TMC1: variants seen among roughly 807,000 people sequenced by gnomAD.
TMC1 encodes transmembrane channel like 1, also known as transmembrane channel-like protein 1.
TMC1 carries 84 observed loss-of-function variants against 105.8 expected under a neutral mutation model. The ratio of observed to expected loss-of-function variants is 0.79; its 90% CI spans 0.67 to 0.95. The LOEUF is 0.95. Among genes scored for constraint, TMC1 ranks in the 40% least tolerant of loss-of-function variants. TMC1 has a pLI of 0.00. For synonymous variants in TMC1, 315 were observed against 311.5 expected, an observed-to-expected ratio of 1.01 and a Z score of -0.12; for missense variants, 817 against 914.1, an observed-to-expected ratio of 0.89 and a Z score of 1.37.
In TMC1 at chr9:72,836,958, T is replaced by C. The variant is rs1829135436; in HGVS notation, c.*985T>C. The C allele has an allele frequency of 6.6e-6, 1 of 152,224 alleles. No homozygotes were observed. The allele number at this position is 152,224 out of a possible 1,614,324, so 9.4% of individuals were successfully genotyped here. A position where few individuals can be genotyped will look rare whatever the true frequency, so the allele number is the denominator to read the frequency against. On this transcript the variant is annotated 3_prime_UTR_variant, in exon 24 of 24. Transcript: ENST00000297784. ...AGCAGGAACAAAAGGAAATAAAATA[T>C]ACTTGGAAGAGAGCCAAGTGGGCAA...
At chr9:72,582,777 T>C (rs1824495280) in intron 2 of TMC1, among the ~76,000 whole-genome samples, 1 of 152,262 alleles carries the variant, frequency 6.6e-6, no homozygotes, top group Non-Finnish European at 1.5e-5. Flanking sequence ...TATTTCTAGC[T>C]TAATGATTAA....
At chr9:72,568,587 T>C (rs1412646124) in intron 1 of TMC1, among the ~76,000 whole-genome samples, 2 of 152,208 alleles carry the variant, frequency 1.3e-5, no homozygotes, top group East Asian at 3.8e-4. Context: ...AGCTTTATAG[T>C]TATGAAATCA....
intron 10 of TMC1, among the ~76,000 whole-genome samples, chr9:72,748,878 G>C (rs896286400): frequency 6.6e-6 from 1 of 152,092 alleles, no homozygotes; most frequent in Non-Finnish European, 1.5e-5. Context: ...GGATTTCTTA[G>C]TCTCTTCCAC....
At chr9:72,761,691 A>G (rs1346544859) in intron 12 of TMC1, among the ~76,000 whole-genome samples, 1 of 152,126 alleles carries the variant, frequency 6.6e-6, no homozygotes, top group South Asian at 2.1e-4. Flanking sequence ...CTTAAAGGAG[A>G]CAGGTTAGAC....
At chr9:72,545,844 G>C (rs181038441) in intron 1 of TMC1, among the ~76,000 whole-genome samples, 1 of 152,000 alleles carries the variant, frequency 6.6e-6, no homozygotes, top group South Asian at 2.1e-4. Flanking sequence ...ATCCTATTGC[G>C]CAGTAATTTT....
chr9:72,713,222 G>A (rs1826864771), intron 8 of TMC1, among the ~76,000 whole-genome samples: 1 of 152,128 alleles, frequency 6.6e-6, no homozygotes, highest in African/African-American at 2.4e-5. Flanking sequence ...CAGGGATATT[G>A]GCCTGAAATT....
At chr9:72,534,600 T>C (rs915709889) in intron 1 of TMC1, among the ~76,000 whole-genome samples, 3 of 152,194 alleles carry the variant, frequency 2.0e-5, no homozygotes, top group African/African-American at 7.2e-5. Context: ...TTGGCATGTA[T>C]AGAAAAATCC....
At chr9:72,736,996 A>G (rs1164199844) in intron 8 of TMC1, among the ~76,000 whole-genome samples, 1 of 152,170 alleles carries the variant, frequency 6.6e-6, no homozygotes, top group Non-Finnish European at 1.5e-5. Flanking sequence ...AAAAAGACCT[A>G]ACGTTCCCTG....
chr9:72,650,329 T>A lies in TMC1; in HGVS notation c.16+1665T>A, dbSNP rs555368374. Among the ~76,000 whole-genome samples, 59 of 152,286 alleles carry A rather than the reference T, an allele frequency of 3.9e-4. No homozygotes were observed. The South Asian group carries it at 0.012, about 31-fold the overall frequency. ...ATAGACTTGCCTGGTGTGGTTTGCA[T>A]AATGTCACAGAATCATAACAATAGC... On this transcript the variant is annotated intron_variant, in intron 5 of 23. Transcript: ENST00000297784.
chr9:72,607,616 A>C (rs1469602796), intron 2 of TMC1, among the ~76,000 whole-genome samples: 1 of 127,760 alleles, frequency 7.8e-6, no homozygotes, highest in Non-Finnish European at 1.6e-5. Context: ...AGTCTGCCTC[A>C]AAAAAAAAAA....
intron 17 of TMC1, among the ~76,000 whole-genome samples, chr9:72,803,174 A>G (rs1828506290): frequency 6.6e-6 from 1 of 152,332 alleles, no homozygotes; most frequent in Admixed American, 6.5e-5. Context: ...AAAACTGGCT[A>G]GCCTATGCAG....
intron 5 of TMC1, 119 bp downstream of exon 5, chr9:72,648,783 T>G (rs1825756008): frequency 2.4e-6 from 2 of 828,632 alleles, no homozygotes; most frequent in Non-Finnish European, 4.1e-6. Context: ...GGGCTTTCCC[T>G]TTTTCATTTT....
intron 5 of TMC1, among the ~76,000 whole-genome samples, chr9:72,662,242 AG>A (rs1320712938): frequency 6.7e-6 from 1 of 149,024 alleles, no homozygotes; most frequent in Non-Finnish European, 1.5e-5. Context: ...GCTGGAGTAC[AG>A]TGGTACGATC....
chr9:72,603,029 G>C lies in TMC1; in HGVS notation c.-305-13339G>C, dbSNP rs367705401. Among the ~76,000 whole-genome samples the C allele has an allele frequency of 2.7e-4, 39 of 144,786 alleles. No homozygotes were observed. The East Asian group carries it at 7.4e-3, about 28-fold the overall frequency. The allele number at this position is 144,786 out of a possible 152,430, so 95.0% of individuals were successfully genotyped here. A position where few individuals can be genotyped will look rare whatever the true frequency, so the allele number is the denominator to read the frequency against. On this transcript the variant is annotated intron_variant, in intron 2 of 23. Coordinates refer to ENST00000297784, the MANE Select transcript of TMC1 (RefSeq NM_138691.3). ...GCCATTTACCAGTATTGTGTATATG[G>C]AGGTGGTCTTGAGAGCTTTGTGGAG...
intron 8 of TMC1, among the ~76,000 whole-genome samples, chr9:72,726,716 A>T (rs1386362676): frequency 6.6e-6 from 1 of 152,234 alleles, no homozygotes; most frequent in Non-Finnish European, 1.5e-5. Context: ...AGAATACCCT[A>T]TTCCAAGAGA....
rs918849129 is a variant in TMC1, at chr9:72,554,209, C to T, written c.-427-23693C>T. 2.0e-5 allele frequency among the ~76,000 whole-genome samples: 3 copies of T among 152,038 alleles called. No homozygotes were observed. In the South Asian group the frequency reaches 6.2e-4, roughly 31 times the overall value. ...GTCTTTAGCTTTTCTTAGCTGTGAT[C>T]GTTTATTGCTGAATAATTAAGGGCA... On this transcript the variant is annotated intron_variant, in intron 1 of 23. Coordinates refer to ENST00000297784, the MANE Select transcript of TMC1 (RefSeq NM_138691.3).
chr9:72,606,411 G>C (rs1471538561), intron 2 of TMC1, among the ~76,000 whole-genome samples: 1 of 152,170 alleles, frequency 6.6e-6, no homozygotes, highest in African/African-American at 2.4e-5. Flanking sequence ...GCCACATTCT[G>C]TTGGTCACAC....
chr9:72,833,380 A>T (rs1352534264), intron 23 of TMC1, among the ~76,000 whole-genome samples: 2 of 152,170 alleles, frequency 1.3e-5, no homozygotes, highest in Admixed American at 6.6e-5. Flanking sequence ...ATTCAGACAT[A>T]TTGGGTTATC....
At chr9:72,717,234 T>C (rs1268396861) in intron 8 of TMC1, among the ~76,000 whole-genome samples, 1 of 152,236 alleles carries the variant, frequency 6.6e-6, no homozygotes, top group Non-Finnish European at 1.5e-5. Context: ...CGGTGAATTG[T>C]TATGTATTCT....
Sources: allele counts gnomAD v4.1 joint callset (sites outside exome capture counted in the v4.1 genomes callset), GRCh38; gene constraint gnomAD v4.1.1; transcripts MANE v1.5; gene names NCBI Gene and HGNC (gene_info 2026-07-23, HGNC 2026-07-21).